NPLOC4: variants seen among roughly 807,000 people sequenced by gnomAD.
NPLOC4 encodes nuclear protein localization protein 4 homolog.
NPLOC4 carries 18 observed loss-of-function variants against 80.6 expected under a neutral mutation model. The observed-to-expected ratio is 0.22, with a 90% CI of 0.15 to 0.33. The LOEUF is 0.33. NPLOC4 is among the 10% of genes least tolerant of loss of function. The pLI, the probability that NPLOC4 is intolerant of heterozygous loss-of-function variation, is 1.00. For missense variants in NPLOC4, 540 were observed against 786.1 expected, an observed-to-expected ratio of 0.69 and a Z score of 3.74; for synonymous variants, 313 against 301.5, an observed-to-expected ratio of 1.04 and a Z score of -0.39.
Position 81,565,615 on chromosome 17 carries a change from A to G in NPLOC4, c.1567-8T>C. On this transcript the variant is annotated splice_region_variant and splice_polypyrimidine_tract_variant and intron_variant, in intron 15 of 16. Coordinates refer to ENST00000331134, the MANE Select transcript of NPLOC4 (RefSeq NM_017921.4). ...CAGCAAGCTGATGCTGTCCTACAAG[A>G]AGCCAAAAGGAAGGTTCCTCTTCGC... The G allele has an allele frequency of 6.5e-7, 1 of 1,536,962 alleles. No individual in the cohort carries two copies. The highest frequency in any genetic ancestry group is 8.7e-7 in the Non-Finnish European group (1 of 1,144,214).
chr17:81,633,034 G>A (rs2144345434), intron 1 of NPLOC4, among the ~76,000 whole-genome samples: 1 of 150,276 alleles, frequency 6.7e-6, no homozygotes, highest in East Asian at 2.0e-4. Context: ...GGAGGCTGAG[G>A]TAGGAGAATG....
chr17:81,632,702 C>A (rs148015555), intron 1 of NPLOC4, among the ~76,000 whole-genome samples: 188 of 152,272 alleles, frequency 1.2e-3, no homozygotes, highest in African/African-American at 4.2e-3. Flanking sequence ...AACCATTATG[C>A]AGATGAAAAC....
chr17:81,568,760 T>C (rs2034080951), intron 14 of NPLOC4, among the ~76,000 whole-genome samples: 1 of 152,098 alleles, frequency 6.6e-6, no homozygotes, highest in African/African-American at 2.4e-5. Flanking sequence ...AAGCAACACA[T>C]TTGGGAAAAT....
intron 4 of NPLOC4, among the ~76,000 whole-genome samples, chr17:81,611,372 C>G (rs886297149): frequency 1.3e-5 from 2 of 150,896 alleles, no homozygotes; most frequent in African/African-American, 4.9e-5. Flanking sequence ...TTTTCTGAGA[C>G]GGAGTTTCAC....
chr17:81,606,430 A>G (rs2035205332), intron 7 of NPLOC4, among the ~76,000 whole-genome samples: 1 of 152,172 alleles, frequency 6.6e-6, no homozygotes, highest in African/African-American at 2.4e-5. Context: ...AGGATTTTAA[A>G]TAATCATCAG....
intron 1 of NPLOC4, among the ~76,000 whole-genome samples, chr17:81,634,046 T>A (rs2036003637): frequency 6.6e-6 from 1 of 151,674 alleles, no homozygotes; most frequent in Non-Finnish European, 1.5e-5. Context: ...TGTATTTTTT[T>A]TTTTTAGTAG....
At chr17:81,565,281 G>A (rs2033974425) in intron 16 of NPLOC4, 1 of 699,446 alleles carries the variant, frequency 1.4e-6, no homozygotes, top group Non-Finnish European at 2.6e-6. Flanking sequence ...ACAGGGCTGT[G>A]TACCTAAGAC....
chr17:81,614,047 C>T (rs778109628), intron 3 of NPLOC4, among the ~76,000 whole-genome samples: 1 of 152,114 alleles, frequency 6.6e-6, no homozygotes, highest in African/African-American at 2.4e-5. Context: ...GAGGCTGAGG[C>T]AGATGGATCA....
rs7208474 is a variant in NPLOC4 at position 81,600,327 on chromosome 17, G to A, written c.921+14C>T. 8,205 of 1,600,592 alleles carry A rather than the reference G, an allele frequency of 5.1e-3. 85 individuals are homozygous for A. The highest frequency in any genetic ancestry group is 0.042 in the African/African-American group (3,150 of 74,658). ...TGGCCACGCCCCCTGCTTGGCTGCC[G>A]GATGCCTCAGTACCTTCCGCAGGCC... On this transcript the variant is annotated intron_variant, in intron 9 of 16. Transcript: ENST00000331134.
chr17:81,632,235 A>G (rs1017832472), intron 1 of NPLOC4, among the ~76,000 whole-genome samples: 1 of 152,056 alleles, frequency 6.6e-6, no homozygotes, highest in African/African-American at 2.4e-5. Context: ...TCAGCCTCCT[A>G]AAGTGCTGGG....
rs1434561097 is a variant in NPLOC4, at chr17:81,580,976, T to A, written c.1281+7968A>T. 2.6e-5 allele frequency among the ~76,000 whole-genome samples: 4 copies of A among 152,084 alleles called. No homozygotes were observed. The highest frequency in any genetic ancestry group is 4.4e-5 in the Non-Finnish European group (3 of 68,006). On this transcript the variant is annotated intron_variant, in intron 12 of 16. Coordinates refer to ENST00000331134, the MANE Select transcript of NPLOC4 (RefSeq NM_017921.4). The surrounding 1 kb of genome is among the most constrained non-coding windows in gnomAD (Gnocchi z 4.4). The stretch of plus-strand genomic sequence containing the variant: ...TGGCATGGAAGTACAAAATCCCCAG[T>A]GGCCCTGGGCCAGCCCACCCGTGGG...
At chr17:81,578,350 C>A (rs1272055721) in intron 12 of NPLOC4, among the ~76,000 whole-genome samples, 2 of 152,180 alleles carry the variant, frequency 1.3e-5, no homozygotes, top group Admixed American at 1.3e-4. Flanking sequence ...GCACCCTGCT[C>A]CCCAACAGGA....
At chr17:81,627,868 G>A (rs540231222) in intron 2 of NPLOC4, among the ~76,000 whole-genome samples, 44 of 151,556 alleles carry the variant, frequency 2.9e-4, no homozygotes, top group African/African-American at 1.0e-3. Context: ...CCCAGGAGGC[G>A]GAGGTTGCAC....
chr17:81,608,281 C>A (rs1471601396), intron 6 of NPLOC4, among the ~76,000 whole-genome samples: 1 of 152,230 alleles, frequency 6.6e-6, no homozygotes, highest in African/African-American at 2.4e-5. Flanking sequence ...TGAACTCAGA[C>A]CACAGAATCA....
At position 81,572,905 on chromosome 17, in the gene NPLOC4, C is replaced by T. The variant is rs1167786680; in HGVS notation, c.1282-817G>A. Among the ~76,000 whole-genome samples, 1 of 152,196 alleles carries T rather than the reference C, an allele frequency of 6.6e-6. No homozygotes were observed. ...AAAGGCATGCACAAATGAGCGCACA[C>T]ACAAATATGAAGACACGGGAACCCC... is the stretch of plus-strand genomic sequence containing the variant. On this transcript the variant is annotated intron_variant, in intron 12 of 16. Transcript: ENST00000331134. This position sits in a 1 kb window ranked among gnomAD's most constrained non-coding sequence, Gnocchi z 4.5.
intron 5 of NPLOC4, 85 bp from the exon 6 acceptor site, chr17:81,608,907 C>G: frequency 9.6e-7 from 1 of 1,043,056 alleles, no homozygotes; most frequent in Non-Finnish European, 1.4e-6. Context: ...CAGGGGGAGG[C>G]CAGCAGCATG....
intron 13 of NPLOC4, among the ~76,000 whole-genome samples, chr17:81,569,935 G>A (rs1215760426): frequency 6.6e-6 from 1 of 152,244 alleles, no homozygotes; most frequent in Non-Finnish European, 1.5e-5. Context: ...AGTTGATGCT[G>A]CTTTTCTCTG....
chr17:81,565,430 G>A, intron 16 of NPLOC4, 75 bp downstream of exon 16: 1 of 1,250,608 alleles, frequency 8.0e-7, no homozygotes, highest in East Asian at 2.5e-5. Flanking sequence ...ACCACCGGCA[G>A]TGGGGAGCTG....
chr17:81,600,492 C>T (rs2035034151), intron 8 of NPLOC4, 65 bp from the exon 9 acceptor site: 7 of 1,236,718 alleles, frequency 5.7e-6, no homozygotes, highest in Admixed American at 3.9e-5. Flanking sequence ...CACCCCAAGC[C>T]CTTCCACTTC....
Sources: allele counts gnomAD v4.1 joint callset (sites outside exome capture counted in the v4.1 genomes callset), GRCh38; gene constraint gnomAD v4.1.1; non-coding constraint Gnocchi (gnomAD v3.1); transcripts MANE v1.5; gene names NCBI Gene and HGNC (gene_info 2026-07-23, HGNC 2026-07-21).